WDR46: variants seen among roughly 807,000 people sequenced by gnomAD.
WDR46 encodes WD repeat domain 46.
In WDR46, 58 loss-of-function variants were observed where a neutral mutation model predicts 74.7. The observed-to-expected ratio is 0.78, with a 90% CI of 0.63 to 0.97. The LOEUF is 0.97. Ranked by LOEUF, WDR46 falls within the 50% of genes least tolerant of loss-of-function variation. The pLI is 0.00. For missense variants in WDR46, 702 were observed against 790.1 expected, an observed-to-expected ratio of 0.89 and a Z score of 1.34; for synonymous variants, 278 against 297.3, an observed-to-expected ratio of 0.93 and a Z score of 0.67.
rs778925439 is a variant in WDR46 at position 33,287,381 on chromosome 6, G to T, written c.853C>A (p.Pro285Thr). The T allele has an allele frequency of 2.5e-6, 4 of 1,612,554 alleles. No homozygotes were observed. Among genetic ancestry groups the T allele is most frequent in the Non-Finnish European group, 3.4e-6 (4 of 1,179,822 alleles). Residue 285 changes from proline to threonine, a missense_variant, in exon 8 of 15, where the codon CCC (proline) becomes ACC (threonine). By Grantham distance (38) the Pro-to-Thr change is conservative. Coordinates refer to ENST00000374617, the MANE Select transcript of WDR46 (RefSeq NM_005452.6). ...CDRVTRLEFL[P>T]FHFLLATASE... Reference sequence around the variant, plus strand: ...GCTGTAGCCAGGAGGAAGTGGAAGGGCAGGAACTCAAGCCGTGTTACTCGG... The same window carrying T: ...GCTGTAGCCAGGAGGAAGTGGAAGGTCAGGAACTCAAGCCGTGTTACTCGG...
chr6:33,280,873 G>A lies in WDR46; in HGVS notation c.1230C>T (p.Ser410=), dbSNP rs1766115578. The A allele has an allele frequency of 6.2e-7, 1 of 1,614,112 alleles. No individual in the cohort carries two copies. Reference sequence around the variant, plus strand: ...TTCCCGCCACCAGCAGTCCCCTCTGGGAGAAGGCCAGGTGCCCTGCTCCAT... The same window carrying A: ...TTCCCGCCACCAGCAGTCCCCTCTGAGAGAAGGCCAGGTGCCCTGCTCCAT... ...LPHGAGHLAF[S]QRGLLVAGMG... Residue 410 remains serine (S), a synonymous_variant, in exon 11 of 15, where the codon TCC becomes TCT. Coordinates refer to ENST00000374617, the MANE Select transcript of WDR46 (RefSeq NM_005452.6).
At chr6:33,286,234 G>A (rs547192802) in intron 10 of WDR46, among the ~76,000 whole-genome samples, 1 of 152,222 alleles carries the variant, frequency 6.6e-6, no homozygotes, top group South Asian at 2.1e-4. Context: ...ATCACTTGAG[G>A]TCAGGAATTC....
Position 33,279,139 on chromosome 6 carries a change from C to A in WDR46, c.*137G>T. The A allele has an allele frequency of 7.9e-7, 1 of 1,267,058 alleles. No individual in the cohort carries two copies. 78.5% of individuals were successfully genotyped at this position (1,267,058 alleles called of 1,614,324 possible). A position where few individuals can be genotyped will look rare whatever the true frequency, so the allele number is the denominator to read the frequency against. On this transcript the variant is annotated 3_prime_UTR_variant, in exon 15 of 15. Coordinates refer to ENST00000374617, the MANE Select transcript of WDR46 (RefSeq NM_005452.6). ...AAATCGCTTTCCTCTTTAATACCAACCCACCCCAGGAGACAGCTGTCCACC... is the reference window on the plus strand; with the variant it reads ...AAATCGCTTTCCTCTTTAATACCAAACCACCCCAGGAGACAGCTGTCCACC...
intron 10 of WDR46, among the ~76,000 whole-genome samples, chr6:33,281,529 A>G (rs768971880): frequency 3.3e-5 from 5 of 151,528 alleles, no homozygotes; most frequent in Admixed American, 1.3e-4. Flanking sequence ...AGGGAAGCAG[A>G]GGTTTGTTAG....
intron 10 of WDR46, chr6:33,284,893 A>G (rs1766482810): frequency 6.5e-6 from 1 of 153,818 alleles, no homozygotes; most frequent in Non-Finnish European, 1.5e-5. Flanking sequence ...CCGAGTGGTC[A>G]CGACAGCGAC....
In WDR46 at chr6:33,288,883, G is replaced by A. The variant is rs958511798; in HGVS notation, c.200C>T (p.Ser67Phe). 2 of 1,614,102 alleles carry A rather than the reference G, an allele frequency of 1.2e-6. No homozygotes were observed. The highest frequency in any genetic ancestry group is 1.7e-6 in the Non-Finnish European group (2 of 1,180,018). Residue 67 changes from serine (S) to phenylalanine (F), a missense_variant, in exon 2 of 15, where the codon TCT becomes TTT. Coordinates refer to ENST00000374617, the MANE Select transcript of WDR46 (RefSeq NM_005452.6). ...GACCTGAGGCTTCTTAGAGATCCGA[G>A]ACTTCTTTAAGATGTAAGCATTTTT... Reference protein sequence around the residue: ...RPKNAYILKKSRISKKPQVPK... With the variant: ...RPKNAYILKKFRISKKPQVPK...
In WDR46 at chr6:33,279,176, A is replaced by G; in HGVS notation, c.*100T>C. 6.6e-7 allele frequency: 1 copy of G among 1,510,664 alleles called. No homozygotes were observed. The highest frequency in any genetic ancestry group is 9.0e-7 in the Non-Finnish European group (1 of 1,110,608). 93.6% of individuals were successfully genotyped at this position (1,510,664 alleles called of 1,614,324 possible). ...GACAGCTGTCCACCCCCAGTTGGGG[A>G]AGGGGCCACACTGCCCCCACCTCCT... is the stretch of plus-strand genomic sequence containing the variant. On this transcript the variant is annotated 3_prime_UTR_variant, in exon 15 of 15. Transcript: ENST00000374617.
At position 33,289,166 on chromosome 6, in the gene WDR46, T is replaced by C. The variant is rs773066068; in HGVS notation, c.5A>G (p.Glu2Gly). M[E>G]TAPKPGKDVP... ...ATCCTTGCCCGGCTTGGGGGCTGTC[T>C]CCATCTCGCCCACCCGAACGGCGAT... The change falls in exon 1 of 15, where the codon GAG becomes GGG. Residue 2 changes from glutamate (E) to glycine (G), a missense_variant. By Grantham distance (98) the Glu-to-Gly change is moderately conservative (BLOSUM62 -2). Transcript: ENST00000374617. 93 of 1,611,508 alleles carry C rather than the reference T, an allele frequency of 5.8e-5. 1 individual carries two copies. The Middle Eastern group carries it at 6.6e-4, about 11-fold the overall frequency.
In WDR46 at chr6:33,289,223, A is replaced by T; in HGVS notation, c.-53T>A. ...GCAAAACTCCTCTCAGCTGCCACACAGTCGGCTTGAAAACTCCCGGAAGCC... is the reference window on the plus strand; with the variant it reads ...GCAAAACTCCTCTCAGCTGCCACACTGTCGGCTTGAAAACTCCCGGAAGCC... On this transcript the variant is annotated 5_prime_UTR_variant, in exon 1 of 15. Coordinates refer to ENST00000374617, the MANE Select transcript of WDR46 (RefSeq NM_005452.6). 6.3e-7 allele frequency: 1 copy of T among 1,576,992 alleles called. No individual in the cohort carries two copies. Among genetic ancestry groups the T allele is most frequent in the East Asian group, 2.2e-5 (1 of 44,508 alleles).
rs756451847 is a variant in WDR46, at chr6:33,289,225, T to G, written c.-55A>C. 1.3e-5 allele frequency: 20 copies of G among 1,576,802 alleles called. No homozygotes were observed. Among genetic ancestry groups the G allele is most frequent in the Non-Finnish European group, 1.7e-5 (20 of 1,163,192 alleles). On this transcript the variant is annotated 5_prime_UTR_variant, in exon 1 of 15. Transcript: ENST00000374617. ...AAAACTCCTCTCAGCTGCCACACAG[T>G]CGGCTTGAAAACTCCCGGAAGCCCT...
intron 13 of WDR46, 43 bp downstream of exon 13, chr6:33,279,721 G>A (rs1285129330): frequency 3.1e-6 from 5 of 1,612,550 alleles, no homozygotes; most frequent in African/African-American, 1.3e-5. Context: ...GAGAGGATGT[G>A]GGGGAGAAGA....
chr6:33,279,692 G>T (rs960934342), intron 13 of WDR46, 72 bp downstream of exon 13: 3 of 1,612,340 alleles, frequency 1.9e-6, no homozygotes, highest in Non-Finnish European at 2.5e-6. Flanking sequence ...CCGCACTTCT[G>T]GGGACAAGCC....
In WDR46 at chr6:33,279,778, G is replaced by C. The variant is rs1393405806; in HGVS notation, c.1606C>G (p.Gln536Glu). 3 of 1,614,096 alleles carry C rather than the reference G, an allele frequency of 1.9e-6. No individual in the cohort carries two copies. Residue 536 changes from glutamine (Q) to glutamate (E), a missense_variant, in exon 13 of 15, where the codon CAG becomes GAG. Transcript: ENST00000374617. Reference protein sequence around the residue: ...VISLEQGKKEQIERLGYDPQA... With the variant: ...VISLEQGKKEEIERLGYDPQA... ...CTGCTCCATACCAGCCTCTCTATCTGCTCCTTCTTTCCCTGCTCCAGGGAG... is the reference window on the plus strand; with the variant it reads ...CTGCTCCATACCAGCCTCTCTATCTCCTCCTTCTTTCCCTGCTCCAGGGAG...
chr6:33,283,040 C>CTGTACTA (rs1766316889), intron 10 of WDR46, among the ~76,000 whole-genome samples: 1 of 152,164 alleles, frequency 6.6e-6, no homozygotes, highest in South Asian at 2.1e-4. Flanking sequence ...GAAATTCCAT[C>CTGTACTA]TGTACTACAA....
At chr6:33,284,368 C>G (rs368735551) in intron 10 of WDR46, 9 of 153,732 alleles carry the variant, frequency 5.9e-5, no homozygotes, top group Non-Finnish European at 1.3e-4. Context: ...GAGCCCTGCC[C>G]ACAGCAGGTG....
Position 33,280,530 on chromosome 6 carries a change from G to C in WDR46, c.1430-8C>G, listed in dbSNP as rs1766073750. On this transcript the variant is annotated splice_region_variant and splice_polypyrimidine_tract_variant and intron_variant, in intron 11 of 14. Coordinates refer to ENST00000374617, the MANE Select transcript of WDR46 (RefSeq NM_005452.6). ...AGTTGGGCTCACCGGCCCCTGAAGG[G>C]AGGGAGGGAGAAGCATGGAGCCATA... 1 of 1,599,768 alleles carries C rather than the reference G, an allele frequency of 6.3e-7. No homozygotes were observed. Among genetic ancestry groups the C allele is most frequent in the Admixed American group, 1.7e-5 (1 of 58,042 alleles).
At position 33,287,090 on chromosome 6, in the gene WDR46, C is replaced by T; in HGVS notation, c.1015+1G>A. ...GAGTCAAAACTAAGCCAGGTACTGACCATTGCTGTGTCCGAGATGGATGAC... is the reference window on the plus strand; with the variant it reads ...GAGTCAAAACTAAGCCAGGTACTGATCATTGCTGTGTCCGAGATGGATGAC... On this transcript the variant is annotated splice_donor_variant, in intron 9 of 14. Transcript: ENST00000374617. LOFTEE classifies it high-confidence loss of function. 5 of 1,613,488 alleles carry T rather than the reference C, an allele frequency of 3.1e-6. No individual in the cohort carries two copies. Among genetic ancestry groups the T allele is most frequent in the Non-Finnish European group, 4.2e-6 (5 of 1,179,714 alleles).
intron 14 of WDR46, 40 bp from the exon 15 acceptor site, chr6:33,279,414 G>T: frequency 1.2e-6 from 2 of 1,611,962 alleles, no homozygotes. Context: ...CACAGAGTGA[G>T]AAGTGGCAGG....
In WDR46 at chr6:33,281,979, A is replaced by G. The variant is rs1766226181; in HGVS notation, c.1116-992T>C. On this transcript the variant is annotated intron_variant, in intron 10 of 14. Coordinates refer to ENST00000374617, the MANE Select transcript of WDR46 (RefSeq NM_005452.6). ...CTCCCAAGTAGCTGGGATTACAGGC[A>G]TGCGCCACCACCGCTAATTTTTAGT... Among the ~76,000 whole-genome samples, 5 of 152,126 alleles carry G rather than the reference A, an allele frequency of 3.3e-5. No individual in the cohort carries two copies. In the South Asian group the frequency reaches 8.3e-4, roughly 25 times the overall value.
Sources: allele counts gnomAD v4.1 joint callset (sites outside exome capture counted in the v4.1 genomes callset), GRCh38; gene constraint gnomAD v4.1.1; transcripts MANE v1.5; gene names NCBI Gene and HGNC (gene_info 2026-07-23, HGNC 2026-07-21).